RSRP1: variants seen among roughly 807,000 people sequenced by gnomAD.
RSRP1 encodes arginine and serine rich protein 1, also known as arginine/serine-rich protein 1.
A neutral mutation model predicts 33.0 loss-of-function variants in RSRP1; 37 were observed. The ratio of observed to expected loss-of-function variants is 1.12; its 90% CI spans 0.86 to 1.48. The LOEUF (loss-of-function observed/expected upper bound fraction) is 1.48, where lower values mean the gene tolerates loss of function less well. Ranked by LOEUF, RSRP1 falls within the 40% of genes most tolerant of loss-of-function variation. The pLI is 0.00. For synonymous variants in RSRP1, 167 were observed against 158.7 expected (o/e 1.05, Z -0.40); for missense variants, 402 against 385.3 (o/e 1.04, Z -0.36).
chr1:25,318,584 T>TG (rs1644534366), intron 1 of RSRP1, among the ~76,000 whole-genome samples: 1 of 129,766 alleles, frequency 7.7e-6, no homozygotes, highest in African/African-American at 2.6e-5. Flanking sequence ...TGAGACTGTC[T>TG]CAAAAAAAAA....
In RSRP1 at chr1:25,320,422, G is replaced by C. The variant is rs1644637959; in HGVS notation, c.-67+17556C>G. On this transcript the variant is annotated intron_variant, in intron 1 of 1. Coordinates refer to the RSRP1 transcript ENST00000561867. ...ACAGATATTCCTCAGTGATGAGTAA[G>C]CCTCAGCTATCTGGAAAATTCATGC... is the stretch of plus-strand genomic sequence containing the variant. Among the ~76,000 whole-genome samples the C allele has an allele frequency of 2.3e-5, 3 of 131,942 alleles. 1 individual carries two copies. Among genetic ancestry groups the C allele is most frequent in the African/African-American group, 7.7e-5 (3 of 38,786 alleles). 86.6% of individuals were successfully genotyped at this position (131,942 alleles called of 152,430 possible). A position where few individuals can be genotyped will look rare whatever the true frequency, so the allele number is the denominator to read the frequency against.
At chr1:25,316,789 A>AGAC (rs1263987065) in intron 1 of RSRP1, among the ~76,000 whole-genome samples, 2 of 79,298 alleles carry the variant, frequency 2.5e-5, no homozygotes, top group African/African-American at 7.1e-5. Context: ...AATAAGCCAC[A>AGAC]ATCTTGGAAT....
rs1405814741 is a variant in RSRP1, at chr1:25,315,600, C to T, written c.-67+22378G>A. 5.6e-5 allele frequency among the ~76,000 whole-genome samples: 7 copies of T among 125,800 alleles called. 2 individuals carry two copies. Among genetic ancestry groups the T allele is most frequent in the African/African-American group, 8.2e-5 (3 of 36,418 alleles). 82.5% of individuals were successfully genotyped at this position (125,800 alleles called of 152,430 possible). A position where few individuals can be genotyped will look rare whatever the true frequency, so the allele number is the denominator to read the frequency against. ...CAAACTCCACCTCCCAGGTTCACGC[C>T]GTTCTCCTGCCTCAGCCTCCTGAGT... is the stretch of plus-strand genomic sequence containing the variant. On this transcript the variant is annotated intron_variant, in intron 1 of 1. Transcript: ENST00000561867.
In RSRP1 at chr1:25,306,511, C is replaced by G. The variant is rs41301044; in HGVS notation, c.-67+31467G>C. ...TTAGTGCCCATCCCCCTTTGGTGGC[C>G]CCGGATACCAAGGGTGTGTGAAAGG... On this transcript the variant is annotated intron_variant, in intron 1 of 1. Transcript: ENST00000561867. 2,703 of 1,248,764 alleles carry G rather than the reference C, an allele frequency of 2.2e-3. 639 individuals are homozygous for G. Among genetic ancestry groups the G allele is most frequent in the South Asian group, 2.3e-3 (189 of 82,580 alleles). 77.4% of individuals were successfully genotyped at this position (1,248,764 alleles called of 1,614,324 possible).
At chr1:25,264,480 G>A (rs1244446013) in intron 1 of RSRP1, among the ~76,000 whole-genome samples, 3 of 146,230 alleles carry the variant, frequency 2.1e-5, no homozygotes, top group Admixed American at 6.9e-5. Flanking sequence ...CTTGCCTCCC[G>A]TCAGTCATGG....
chr1:25,319,305 G>C lies in RSRP1; in HGVS notation c.-67+18673C>G, dbSNP rs1364280790. Among the ~76,000 whole-genome samples the C allele has an allele frequency of 1.5e-5, 2 of 132,294 alleles. 1 individual carries two copies. The highest frequency in any genetic ancestry group is 3.6e-5 in the Non-Finnish European group (2 of 55,830). 86.8% of individuals were successfully genotyped at this position (132,294 alleles called of 152,430 possible). A position where few individuals can be genotyped will look rare whatever the true frequency, so the allele number is the denominator to read the frequency against. On this transcript the variant is annotated intron_variant, in intron 1 of 1. Transcript: ENST00000561867. The stretch of plus-strand genomic sequence containing the variant: ...CAACAAGTTTTCTTCTTTACATGTT[G>C]TTTTTGACATGAGCAAACTGGTGAT...
chr1:25,242,392 C>A lies in RSRP1; in HGVS notation c.*197G>T, dbSNP rs1214344847. Reference sequence around the variant, plus strand: ...CTCCCACCTGTGCATAACCTTTGGTCCATCTGTGCTATCTCTCATATCTGC... The same window carrying A: ...CTCCCACCTGTGCATAACCTTTGGTACATCTGTGCTATCTCTCATATCTGC... On this transcript the variant is annotated 3_prime_UTR_variant, in exon 5 of 5. Coordinates refer to ENST00000243189, the MANE Select transcript of RSRP1 (RefSeq NM_020317.5). The A allele has an allele frequency of 3.3e-5, 14 of 424,122 alleles. No homozygotes were observed. The highest frequency in any genetic ancestry group is 3.1e-4 in the Admixed American group (8 of 25,492). 26.3% of individuals were successfully genotyped at this position (424,122 alleles called of 1,614,324 possible). A position where few individuals can be genotyped will look rare whatever the true frequency, so the allele number is the denominator to read the frequency against.
rs767513528 is a variant in RSRP1, at chr1:25,245,310, AAAAG to A, written c.521-13_521-10del. The A allele has an allele frequency of 3.7e-5, 59 of 1,604,118 alleles. No homozygotes were observed. Among genetic ancestry groups the A allele is most frequent in the Admixed American group, 1.0e-4 (6 of 59,134 alleles). ...TAACAGCTCCATTCGATCTAAAAAA[AAAAG>A]AGAGAGATTTTAAAATACTCATTAA... On this transcript the variant is annotated splice_polypyrimidine_tract_variant and intron_variant, in intron 2 of 4. Transcript: ENST00000243189.
At chr1:25,259,707 G>C (rs1327027596) in intron 1 of RSRP1, among the ~76,000 whole-genome samples, 2 of 151,420 alleles carry the variant, frequency 1.3e-5, no homozygotes, top group Non-Finnish European at 2.9e-5. Context: ...CACCATGTTG[G>C]CTAGGATAGT....
At chr1:25,290,164 C>T (rs1224103976) in intron 1 of RSRP1, among the ~76,000 whole-genome samples, 4 of 130,104 alleles carry the variant, frequency 3.1e-5, no homozygotes, top group African/African-American at 1.1e-4. Flanking sequence ...TCCACTGCCA[C>T]GGAGACGGAG....
chr1:25,320,789 C>T lies in RSRP1; in HGVS notation c.-67+17189G>A, dbSNP rs368729224. On this transcript the variant is annotated intron_variant, in intron 1 of 1. Coordinates refer to the RSRP1 transcript ENST00000561867. Reference sequence around the variant, plus strand: ...GGGCACAGTGGCTCACACCTGTAATCGCAGCCATTTAGAAGGCAAAGGCGG... The same window carrying T: ...GGGCACAGTGGCTCACACCTGTAATTGCAGCCATTTAGAAGGCAAAGGCGG... Among the ~76,000 whole-genome samples, 7 of 131,808 alleles carry T rather than the reference C, an allele frequency of 5.3e-5. No individual in the cohort carries two copies. The East Asian group carries it at 7.9e-4, about 15-fold the overall frequency. The allele number at this position is 131,808 out of a possible 152,430, so 86.5% of individuals were successfully genotyped here. A position where few individuals can be genotyped will look rare whatever the true frequency, so the allele number is the denominator to read the frequency against.
Position 25,306,503 on chromosome 1 carries a change from T to A in RSRP1, c.-67+31475A>T, listed in dbSNP as rs1488270679. 3.4e-6 allele frequency: 4 copies of A among 1,192,186 alleles called. No homozygotes were observed. In the African/African-American group the frequency reaches 5.9e-5, roughly 18 times the overall value. The allele number at this position is 1,192,186 out of a possible 1,614,324, so 73.9% of individuals were successfully genotyped here. ...GGTGAGCCTTAGTGCCCATCCCCCT[T>A]TGGTGGCCCCGGATACCAAGGGTGT... On this transcript the variant is annotated intron_variant, in intron 1 of 1. Transcript: ENST00000561867.
In RSRP1 at chr1:25,289,288, G is replaced by A. The variant is rs535404967; in HGVS notation, c.-66-42259C>T. Among the ~76,000 whole-genome samples the A allele has an allele frequency of 5.3e-5, 7 of 131,410 alleles. No individual in the cohort carries two copies. The East Asian group carries it at 9.8e-4, about 18-fold the overall frequency. 86.2% of individuals were successfully genotyped at this position (131,410 alleles called of 152,430 possible). ...CGGCCCACTGAAACCTCTGCCTCCC[G>A]GGTTCAAGCGACTGCCATGCCTCAG... On this transcript the variant is annotated intron_variant, in intron 1 of 1. Coordinates refer to the RSRP1 transcript ENST00000561867.
chr1:25,331,002 C>T (rs1237009335), intron 1 of RSRP1, among the ~76,000 whole-genome samples: 1 of 94,088 alleles, frequency 1.1e-5, no homozygotes, highest in East Asian at 2.5e-4. Flanking sequence ...CTCGCTCTAT[C>T]GCCCAGGCTG....
Position 25,318,456 on chromosome 1 carries a change from C to T in RSRP1, c.-67+19522G>A, listed in dbSNP as rs376198514. Among the ~76,000 whole-genome samples, 7 of 129,972 alleles carry T rather than the reference C, an allele frequency of 5.4e-5. 1 individual carries two copies. The highest frequency in any genetic ancestry group is 4.7e-4 in the South Asian group (2 of 4,216). The allele number at this position is 129,972 out of a possible 152,430, so 85.3% of individuals were successfully genotyped here. A position where few individuals can be genotyped will look rare whatever the true frequency, so the allele number is the denominator to read the frequency against. On this transcript the variant is annotated intron_variant, in intron 1 of 1. Coordinates refer to the RSRP1 transcript ENST00000561867. The stretch of plus-strand genomic sequence containing the variant: ...TACAAAAATTAGCCAGGCGTGGTGG[C>T]GTGTGCCTGTAGTCCCAGCTACTGG...
chr1:25,315,343 C>A (rs1445626615), intron 1 of RSRP1, among the ~76,000 whole-genome samples: 1 of 129,136 alleles, frequency 7.7e-6, no homozygotes. Context: ...TGAAGATATA[C>A]AAAGATGGCA....
Position 25,280,006 on chromosome 1 carries a change from T to C in RSRP1, c.-66-32977A>G, listed in dbSNP as rs600253. On this transcript the variant is annotated intron_variant, in intron 1 of 1. Coordinates refer to the RSRP1 transcript ENST00000561867. ...CTGAAGCGGGAGCCCAGATAATGGA[T>C]GGGTGGAAATGGGCCTGGAGCCCAG... Among the ~76,000 whole-genome samples, 78 of 127,438 alleles carry C rather than the reference T, an allele frequency of 6.1e-4. 3 individuals are homozygous for C. The highest frequency in any genetic ancestry group is 3.7e-3 in the Admixed American group (49 of 13,252). The allele number at this position is 127,438 out of a possible 152,430, so 83.6% of individuals were successfully genotyped here.
intron 1 of RSRP1, among the ~76,000 whole-genome samples, chr1:25,274,834 G>C (rs1211128320): frequency 1.7e-5 from 2 of 120,956 alleles, no homozygotes; most frequent in Admixed American, 7.9e-5. Flanking sequence ...TGGCAAAACC[G>C]CATCTCTACT....
intron 1 of RSRP1, among the ~76,000 whole-genome samples, chr1:25,260,926 C>T (rs1640117050): frequency 2.0e-5 from 3 of 151,956 alleles, no homozygotes; most frequent in Admixed American, 1.3e-4. Context: ...CTCAGCCTCC[C>T]GAGTAGCTGG....
Sources: gnomAD v4.1 joint callset for allele counts (sites outside exome capture counted in the v4.1 genomes callset) on GRCh38, gnomAD v4.1.1 for gene constraint, MANE v1.5 for transcripts, NCBI Gene and HGNC (gene_info 2026-07-23, HGNC 2026-07-21) for gene names.